PALM2AKAP2: variants seen among roughly 807,000 people sequenced by gnomAD.
The protein encoded by PALM2AKAP2 is PALM2-AKAP2 fusion protein.
Under a neutral mutation model 71.5 loss-of-function variants are expected in PALM2AKAP2, and 37 were observed. The observed-to-expected ratio is 0.52, with a 90% CI of 0.40 to 0.68. The LOEUF (loss-of-function observed/expected upper bound fraction) is 0.68. PALM2AKAP2 is among the 30% of genes least tolerant of loss of function. The pLI, the probability that PALM2AKAP2 is intolerant of heterozygous loss-of-function variation, is 0.00. For missense variants in PALM2AKAP2, 1,224 were observed against 1,191.8 expected (o/e 1.03, Z -0.40); for synonymous variants, 468 against 478.8 (o/e 0.98, Z 0.29).
chr9:110,082,442 G>A (rs1168625886), intron 1 of PALM2AKAP2, among the ~76,000 whole-genome samples: 2 of 152,150 alleles, frequency 1.3e-5, no homozygotes, highest in African/African-American at 4.8e-5. Flanking sequence ...TCACCCTTGA[G>A]ATCACCTATA....
intron 1 of PALM2AKAP2, among the ~76,000 whole-genome samples, chr9:110,078,717 C>T (rs1042942430): frequency 6.6e-5 from 10 of 152,222 alleles, no homozygotes; most frequent in Non-Finnish European, 1.2e-4. Context: ...CACTCTTGTA[C>T]TACTGTTGAC....
intron 6 of PALM2AKAP2, among the ~76,000 whole-genome samples, chr9:109,934,533 T>C (rs1831178808): frequency 6.6e-6 from 1 of 152,156 alleles, no homozygotes. Flanking sequence ...CCGCCATCCC[T>C]GTCCCTCCCC....
chr9:110,155,517 G>A (rs1320956468), intron 2 of PALM2AKAP2, among the ~76,000 whole-genome samples: 1 of 152,176 alleles, frequency 6.6e-6, no homozygotes, highest in Non-Finnish European at 1.5e-5. Flanking sequence ...CCACACCACT[G>A]TTGAATTAAT....
At chr9:110,048,046 T>C (rs892040362), upstream of PALM2AKAP2, among the ~76,000 whole-genome samples, 3 of 152,198 alleles carry the variant, frequency 2.0e-5, no homozygotes, top group African/African-American at 7.2e-5. Context: ...AGGAAGGCTC[T>C]GGCGAGCCAG....
At position 109,923,859 on chromosome 9, in the gene PALM2AKAP2, A is replaced by C; in HGVS notation, c.372+10A>C. 1 of 1,566,510 alleles carries C rather than the reference A, an allele frequency of 6.4e-7. No homozygotes were observed. The highest frequency in any genetic ancestry group is 8.6e-7 in the Non-Finnish European group (1 of 1,162,962). On this transcript the variant is annotated intron_variant, in intron 4 of 9. Coordinates refer to the PALM2AKAP2 transcript ENST00000302798. ...CAAGGACTTTCAGAAGGTGAAGAAA[A>C]CCAAAACGATTTCTCAAAGTTATTT...
At chr9:109,976,697 T>C (rs1832178246) in intron 6 of PALM2AKAP2, among the ~76,000 whole-genome samples, 1 of 152,222 alleles carries the variant, frequency 6.6e-6, no homozygotes, top group African/African-American at 2.4e-5. Flanking sequence ...GCTTACCCTA[T>C]GTGCTAGGTA....
chr9:109,884,003 A>G (rs887381733), intron 3 of PALM2AKAP2, among the ~76,000 whole-genome samples: 7 of 152,232 alleles, frequency 4.6e-5, no homozygotes, highest in Admixed American at 2.6e-4. Flanking sequence ...AAACCAAGGG[A>G]AGAGACAGCC....
upstream of PALM2AKAP2, among the ~76,000 whole-genome samples, chr9:109,780,076 C>A (rs1378497067): frequency 1.3e-5 from 2 of 151,152 alleles, no homozygotes; most frequent in Non-Finnish European, 3.0e-5. Context: ...CGGCGGCGAT[C>A]GCTCGGAGCC....
At chr9:109,908,720 T>A (rs966207731) in intron 3 of PALM2AKAP2, among the ~76,000 whole-genome samples, 3 of 152,070 alleles carry the variant, frequency 2.0e-5, no homozygotes, top group Non-Finnish European at 4.4e-5. Context: ...CAGAGTAACC[T>A]CCAATATGGA....
chr9:110,098,248 A>C (rs1228859645), intron 1 of PALM2AKAP2, among the ~76,000 whole-genome samples: 1 of 151,970 alleles, frequency 6.6e-6, no homozygotes, highest in African/African-American at 2.4e-5. Flanking sequence ...CTCAAATGTC[A>C]GTTGACTTTT....
intron 6 of PALM2AKAP2, among the ~76,000 whole-genome samples, chr9:109,947,676 T>A (rs1054981518): frequency 6.6e-6 from 1 of 152,246 alleles, no homozygotes; most frequent in Non-Finnish European, 1.5e-5. Context: ...CAGTCATCTC[T>A]GCTCATCCCT....
At chr9:109,753,579 C>A (rs921970570) in intron 1 of PALM2AKAP2, among the ~76,000 whole-genome samples, 2 of 152,154 alleles carry the variant, frequency 1.3e-5, no homozygotes, top group African/African-American at 4.8e-5. Context: ...GCCACGTTGA[C>A]AGTTTCTGAC....
chr9:109,837,675 T>TG (rs1036480970), intron 1 of PALM2AKAP2, among the ~76,000 whole-genome samples: 1 of 151,844 alleles, frequency 6.6e-6, no homozygotes, highest in African/African-American at 2.4e-5. Context: ...AATAAAGGGA[T>TG]GGGGGAAGAT....
At chr9:109,675,180 G>A (rs1376540022) in intron 1 of PALM2AKAP2, among the ~76,000 whole-genome samples, 2 of 152,074 alleles carry the variant, frequency 1.3e-5, no homozygotes, top group East Asian at 3.9e-4. Flanking sequence ...TATTGGGATG[G>A]AACTCTGATG....
chr9:110,044,540 C>T (rs1235147173), upstream of PALM2AKAP2, among the ~76,000 whole-genome samples: 4 of 150,884 alleles, frequency 2.7e-5, no homozygotes, highest in African/African-American at 7.3e-5. Flanking sequence ...TTAGTAGAGA[C>T]GGGGTTGCAC....
chr9:110,014,941 A>C (rs1832953760), intron 6 of PALM2AKAP2, among the ~76,000 whole-genome samples: 1 of 149,298 alleles, frequency 6.7e-6, no homozygotes, highest in South Asian at 2.1e-4. Flanking sequence ...CTGCATCTGA[A>C]TTAGTACAAT....
At chr9:110,103,266 C>T (rs767742015) in intron 1 of PALM2AKAP2, among the ~76,000 whole-genome samples, 28 of 152,186 alleles carry the variant, frequency 1.8e-4, no homozygotes, top group Non-Finnish European at 3.1e-4. Context: ...CCTGTGTCCC[C>T]GATGCCCAGC....
At chr9:110,083,010 G>A (rs181435383) in intron 1 of PALM2AKAP2, among the ~76,000 whole-genome samples, 99 of 152,068 alleles carry the variant, frequency 6.5e-4, no homozygotes, top group East Asian at 1.2e-3. Flanking sequence ...GTGTGGTGGC[G>A]CGTGCCTGTA....
intron 3 of PALM2AKAP2, among the ~76,000 whole-genome samples, chr9:110,157,940 G>A (rs141013287): frequency 2.5e-3 from 380 of 152,346 alleles, no homozygotes; most frequent in Admixed American, 4.1e-3. Context: ...TTCTCACTTG[G>A]CATCTCCCAG....
Sources: gnomAD v4.1 joint callset for allele counts (sites outside exome capture counted in the v4.1 genomes callset) on GRCh38, gnomAD v4.1.1 for gene constraint, MANE v1.5 for transcripts, NCBI Gene and HGNC (gene_info 2026-07-23, HGNC 2026-07-21) for gene names.